Variants in NSMAF observed in about 807,000 individuals in gnomAD.
NSMAF encodes neutral sphingomyelinase activation associated factor.
In NSMAF, 90 loss-of-function variants were observed where a neutral mutation model predicts 134.9. The observed-to-expected ratio is 0.67, with a 90% CI of 0.56 to 0.79. The LOEUF (loss-of-function observed/expected upper bound fraction) is 0.79, where lower values mean the gene tolerates loss of function less well. Ranked by LOEUF, NSMAF falls within the 30% of genes least tolerant of loss-of-function variation. The pLI, the probability that NSMAF is intolerant of heterozygous loss-of-function variation, is 0.00. For missense variants in NSMAF, 1,010 were observed against 1,119.0 expected (o/e 0.90, Z 1.39); for synonymous variants, 358 against 389.6 (o/e 0.92, Z 0.96).
In NSMAF at chr8:58,586,533, C is replaced by T; in HGVS notation, c.2371G>A (p.Asp791Asn). The T allele has an allele frequency of 6.2e-7, 1 of 1,613,894 alleles. No homozygotes were observed. The highest frequency in any genetic ancestry group is 1.1e-5 in the South Asian group (1 of 91,080). ...GTKEGTVNIWDLTTATLMHQI... is the reference protein window; with the variant it reads ...GTKEGTVNIWNLTTATLMHQI... Reference sequence around the variant, plus strand: ...TGCATTAAGGTGGCCGTTGTGAGGTCCCAAATATTCACTGTGCCTTCTTTG... The same window carrying T: ...TGCATTAAGGTGGCCGTTGTGAGGTTCCAAATATTCACTGTGCCTTCTTTG... The change falls in exon 28 of 31, where the codon GAC (aspartate) becomes AAC (asparagine). Residue 791 changes from aspartate to asparagine, a missense_variant. Transcript: ENST00000038176.
chr8:58,601,336 A>T lies in NSMAF; in HGVS notation c.1229T>A (p.Met410Lys). The part of the protein sequence containing the change: ...FYLVRIAPEY[M>K]LCLQNGRFDN... ...AAATCTTCCATTCTGCAGGCACAGCATATACTCTGGTGCTAGAGGGGAAAA... is the reference window on the plus strand; with the variant it reads ...AAATCTTCCATTCTGCAGGCACAGCTTATACTCTGGTGCTAGAGGGGAAAA... Residue 410 changes from methionine (M) to lysine (K), a missense_variant, in exon 16 of 31, where the codon ATG (methionine) becomes AAG (lysine). Met to Lys is a moderately conservative substitution (Grantham distance 95, BLOSUM62 -1). Transcript: ENST00000038176. 6.2e-7 allele frequency: 1 copy of T among 1,613,994 alleles called. No individual in the cohort carries two copies. Among genetic ancestry groups the T allele is most frequent in the Non-Finnish European group, 8.5e-7 (1 of 1,179,898 alleles).
chr8:58,599,725 A>G (rs762978161), intron 18 of NSMAF, 25 bp downstream of exon 18: 11 of 1,607,756 alleles, frequency 6.8e-6, no homozygotes, highest in Non-Finnish European at 9.3e-6. Flanking sequence ...TGTCTATAAT[A>G]CAACACCTCC....
intron 19 of NSMAF, 96 bp from the exon 20 acceptor site, chr8:58,597,998 G>T: frequency 1.1e-6 from 1 of 890,040 alleles, no homozygotes; most frequent in Non-Finnish European, 1.8e-6. Context: ...TAAAACTCAT[G>T]TTCAAAGAAA....
intron 7 of NSMAF, 91 bp from the exon 8 acceptor site, chr8:58,623,515 G>A: frequency 7.5e-7 from 1 of 1,336,174 alleles, no homozygotes; most frequent in East Asian, 2.3e-5. Context: ...CAATCATTCT[G>A]TTAACAGTCA....
intron 2 of NSMAF, among the ~76,000 whole-genome samples, chr8:58,636,909 T>G (rs957506452): frequency 5.3e-5 from 8 of 152,118 alleles, no homozygotes; most frequent in Non-Finnish European, 7.4e-5. Context: ...GAAGTACAAT[T>G]TGTACAAGGA....
intron 19 of NSMAF, among the ~76,000 whole-genome samples, chr8:58,598,506 A>G (rs1399469621): frequency 4.0e-5 from 6 of 148,376 alleles, no homozygotes; most frequent in African/African-American, 1.2e-4. Flanking sequence ...AAAAAAAAAA[A>G]AAAAAGAAAA....
At chr8:58,615,565 C>A (rs890842817) in intron 9 of NSMAF, among the ~76,000 whole-genome samples, 3 of 152,144 alleles carry the variant, frequency 2.0e-5, no homozygotes, top group African/African-American at 7.2e-5. Context: ...GGAAGTTAAA[C>A]ATACTTCTAA....
At chr8:58,641,690 T>G (rs1253869080) in intron 2 of NSMAF, among the ~76,000 whole-genome samples, 2 of 152,226 alleles carry the variant, frequency 1.3e-5, no homozygotes, top group African/African-American at 2.4e-5. Flanking sequence ...CTAGTACAAG[T>G]AGTGCTATAA....
chr8:58,659,093 C>A, intron 1 of NSMAF: 2 of 953,124 alleles, frequency 2.1e-6, no homozygotes, highest in Non-Finnish European at 2.8e-6. Context: ...CCGGCCTGCT[C>A]GGTGCCGCCC....
chr8:58,653,863 A>T (rs1807641542), intron 1 of NSMAF, among the ~76,000 whole-genome samples: 1 of 152,216 alleles, frequency 6.6e-6, no homozygotes, highest in South Asian at 2.1e-4. Flanking sequence ...AAATCCATTT[A>T]TGGATAGATT....
chr8:58,616,219 C>T (rs1378694882), intron 9 of NSMAF, among the ~76,000 whole-genome samples: 1 of 152,042 alleles, frequency 6.6e-6, no homozygotes, highest in Non-Finnish European at 1.5e-5. Context: ...AACAACAATC[C>T]TACACAAACT....
intron 9 of NSMAF, among the ~76,000 whole-genome samples, chr8:58,618,573 A>G (rs965559137): frequency 6.6e-6 from 1 of 151,974 alleles, no homozygotes; most frequent in Admixed American, 6.6e-5. Flanking sequence ...ATACACATAT[A>G]TATATAATAC....
intron 1 of NSMAF, among the ~76,000 whole-genome samples, chr8:58,656,553 A>G (rs542639121): frequency 6.6e-6 from 1 of 152,180 alleles, no homozygotes; most frequent in African/African-American, 2.4e-5. Context: ...AGGGCCGGGC[A>G]CGGTGGCTCA....
At position 58,587,713 on chromosome 8, in the gene NSMAF, C is replaced by A. The variant is rs1563522112; in HGVS notation, c.2212-12G>T. 3.7e-6 allele frequency: 6 copies of A among 1,609,244 alleles called. No homozygotes were observed. Among genetic ancestry groups the A allele is most frequent in the African/African-American group, 1.3e-5 (1 of 74,750 alleles). The stretch of plus-strand genomic sequence containing the variant: ...ACACCAGACCACACCTAGGATGGAA[C>A]ATATTGCAGAAGGTATTTTCAAACA... On this transcript the variant is annotated splice_polypyrimidine_tract_variant and intron_variant, in intron 26 of 30. Coordinates refer to ENST00000038176, the MANE Select transcript of NSMAF (RefSeq NM_003580.4).
chr8:58,597,626 T>C (rs1806169149), intron 20 of NSMAF, 76 bp from the exon 21 acceptor site: 2 of 1,372,948 alleles, frequency 1.5e-6, no homozygotes, highest in African/African-American at 1.4e-5. Context: ...CAAATAGTAC[T>C]GATCAATAGG....
rs758708628 is a variant in NSMAF at position 58,631,560 on chromosome 8, A to T, written c.334-14T>A. Reference sequence around the variant, plus strand: ...AATGAAATATACCTGAGCAAGAAAAAGCAATACTTGTAAAATAATAACCAA... The same window carrying T: ...AATGAAATATACCTGAGCAAGAAAATGCAATACTTGTAAAATAATAACCAA... On this transcript the variant is annotated splice_polypyrimidine_tract_variant and intron_variant, in intron 5 of 30. Transcript: ENST00000038176. The T allele has an allele frequency of 2.1e-6, 3 of 1,413,728 alleles. No homozygotes were observed. Among genetic ancestry groups the T allele is most frequent in the Middle Eastern group, 1.8e-4 (1 of 5,572 alleles). The allele number at this position is 1,413,728 out of a possible 1,614,324, so 87.6% of individuals were successfully genotyped here.
chr8:58,601,531 C>T lies in NSMAF; in HGVS notation c.1130G>A (p.Arg377His), dbSNP rs760859409. Residue 377 changes from arginine to histidine, a missense_variant, in exon 15 of 31, where the codon CGC (arginine) becomes CAC (histidine). Coordinates refer to ENST00000038176, the MANE Select transcript of NSMAF (RefSeq NM_003580.4). Reference sequence around the variant, plus strand: ...CTTTGGTTCAGGCATTTCCTGGTAGCGTGTCTAGAATACAGAAAAAAAAAA... The same window carrying T: ...CTTTGGTTCAGGCATTTCCTGGTAGTGTGTCTAGAATACAGAAAAAAAAAA... ...NKERLERLLTRYQEMPEPKFM... is the reference protein window; with the variant it reads ...NKERLERLLTHYQEMPEPKFM... The T allele has an allele frequency of 1.5e-5, 24 of 1,560,690 alleles. No homozygotes were observed. The highest frequency in any genetic ancestry group is 2.3e-5 in the East Asian group (1 of 43,180).
At chr8:58,619,636 T>C (rs1041786847) in intron 9 of NSMAF, among the ~76,000 whole-genome samples, 4 of 152,158 alleles carry the variant, frequency 2.6e-5, no homozygotes, top group Non-Finnish European at 5.9e-5. Flanking sequence ...TTGCATTCTA[T>C]ATATCAACAA....
In NSMAF at chr8:58,601,457, G is replaced by A. The variant is rs1173490957; in HGVS notation, c.1204C>T (p.Leu402Phe). Residue 402 changes from leucine to phenylalanine, a missense_variant, in exon 15 of 31, where the codon CTT becomes TTT. Leu to Phe is a conservative substitution (Grantham distance 22). Transcript: ENST00000038176. ...TAAAGAATCTTACCAATCCTAACAA[G>A]ATAAAAAAGTACATAACCCGGGGAA... is the stretch of plus-strand genomic sequence containing the variant. ...YSSPGYVLFY[L>F]VRIAPEYMLC... 1 of 1,606,506 alleles carries A rather than the reference G, an allele frequency of 6.2e-7. No individual in the cohort carries two copies. Among genetic ancestry groups the A allele is most frequent in the South Asian group, 1.1e-5 (1 of 90,694 alleles).
Sources: allele counts gnomAD v4.1 joint callset (sites outside exome capture counted in the v4.1 genomes callset), GRCh38; gene constraint gnomAD v4.1.1; transcripts MANE v1.5; gene names NCBI Gene and HGNC (gene_info 2026-07-23, HGNC 2026-07-21).